Variants in FSTL5 observed in about 807,000 individuals in gnomAD.
The protein encoded by FSTL5 is follistatin like 5, also known as follistatin-related protein 5.
Under a neutral mutation model 89.1 loss-of-function variants are expected in FSTL5, and 62 were observed. The ratio of observed to expected loss-of-function variants is 0.70; its 90% CI spans 0.57 to 0.86. The LOEUF (loss-of-function observed/expected upper bound fraction) is 0.86, where lower values mean the gene tolerates loss of function less well. FSTL5 is among the 40% of genes least tolerant of loss of function. The pLI is 0.00. For synonymous variants in FSTL5, 383 were observed against 346.2 expected, an observed-to-expected ratio of 1.11 and a Z score of -1.18; for missense variants, 1,057 against 1,001.6, an observed-to-expected ratio of 1.06 and a Z score of -0.75.
chr4:161,465,762 G>C (rs1388891057), intron 13 of FSTL5, among the ~76,000 whole-genome samples: 1 of 152,150 alleles, frequency 6.6e-6, no homozygotes, highest in Non-Finnish European at 1.5e-5. Flanking sequence ...TTAAGTGATA[G>C]CTTCCAATTA....
rs144561669 is a variant in FSTL5, at chr4:161,994,535, C to T, written c.160+39090G>A. Among the ~76,000 whole-genome samples, 225 of 152,198 alleles carry T rather than the reference C, an allele frequency of 1.5e-3. 2 individuals carry two copies. Among genetic ancestry groups the T allele is most frequent in the Middle Eastern group, 3.4e-3 (1 of 294 alleles). ...TGTTCCCTTTTCTCCACATCCTTGC[C>T]AGCATCTGTTATTTTTTGACTTTTT... On this transcript the variant is annotated intron_variant, in intron 3 of 15. Coordinates refer to ENST00000306100, the MANE Select transcript of FSTL5 (RefSeq NM_020116.5).
At chr4:161,934,432 G>A (rs1734378012) in intron 3 of FSTL5, among the ~76,000 whole-genome samples, 1 of 151,928 alleles carries the variant, frequency 6.6e-6, no homozygotes, top group Admixed American at 6.6e-5. Context: ...TATAGCAACT[G>A]GCCTTTCAAA....
intron 5 of FSTL5, 138 bp downstream of exon 5, chr4:161,775,740 A>C (rs1056017580): frequency 3.3e-5 from 15 of 455,372 alleles, no homozygotes; most frequent in African/African-American, 3.1e-4. Flanking sequence ...AGTTTGCTAC[A>C]AAAATGTTGT....
intron 4 of FSTL5, among the ~76,000 whole-genome samples, chr4:161,783,694 T>C (rs188338095): frequency 0.087 from 2,061 of 23,722 alleles, 10 homozygotes; most frequent in Non-Finnish European, 0.1. Context: ...TTTCTTTCTT[T>C]CTTTCTTTCT....
At chr4:161,616,516 C>T (rs1734873333) in intron 7 of FSTL5, among the ~76,000 whole-genome samples, 2 of 152,296 alleles carry the variant, frequency 1.3e-5, no homozygotes, top group African/African-American at 2.4e-5. Context: ...TTTTGGGACT[C>T]AGACTGGCTT....
chr4:161,927,374 T>C lies in FSTL5; in HGVS notation c.161-6722A>G, dbSNP rs1364462700. Among the ~76,000 whole-genome samples, 7 of 151,662 alleles carry C rather than the reference T, an allele frequency of 4.6e-5. No individual in the cohort carries two copies. The Admixed American group carries it at 4.6e-4, about 10-fold the overall frequency. ...ATGAGAAAGGCATTTTTTGCAATGA[T>C]TTAAAAAATTAAACAGCATATTAAC... On this transcript the variant is annotated intron_variant, in intron 3 of 15. Transcript: ENST00000306100.
intron 8 of FSTL5, among the ~76,000 whole-genome samples, chr4:161,546,306 A>T (rs1732005418): frequency 1.3e-5 from 2 of 148,540 alleles, no homozygotes; most frequent in African/African-American, 4.9e-5. Flanking sequence ...ATATATATAT[A>T]TACACATATA....
At chr4:161,537,190 C>A (rs1193095658) in intron 10 of FSTL5, among the ~76,000 whole-genome samples, 1 of 152,084 alleles carries the variant, frequency 6.6e-6, no homozygotes, top group Non-Finnish European at 1.5e-5. Flanking sequence ...AATAGGAAGA[C>A]CCCTGGCTGG....
chr4:161,625,757 C>A (rs918751121), intron 7 of FSTL5, among the ~76,000 whole-genome samples: 1 of 151,998 alleles, frequency 6.6e-6, no homozygotes, highest in Non-Finnish European at 1.5e-5. Context: ...TGCCCAACAT[C>A]CAAGTTTTAA....
At chr4:161,770,039 G>A (rs1741154413) in intron 5 of FSTL5, among the ~76,000 whole-genome samples, 1 of 151,914 alleles carries the variant, frequency 6.6e-6, no homozygotes, top group Admixed American at 6.6e-5. Flanking sequence ...CCATAAAAAA[G>A]AATGAAATCC....
At chr4:161,902,856 TAAC>T (rs1733411033) in intron 4 of FSTL5, among the ~76,000 whole-genome samples, 1 of 151,982 alleles carries the variant, frequency 6.6e-6, no homozygotes, top group Non-Finnish European at 1.5e-5. Context: ...CTCAAAATAA[TAAC>T]AATAATAATA....
At chr4:161,678,604 A>T (rs957408794) in intron 6 of FSTL5, among the ~76,000 whole-genome samples, 3 of 151,908 alleles carry the variant, frequency 2.0e-5, no homozygotes, top group Non-Finnish European at 4.4e-5. Flanking sequence ...ACAGCTGCAG[A>T]TATATTTTCA....
chr4:161,724,461 C>G (rs1169619039), intron 6 of FSTL5, among the ~76,000 whole-genome samples: 2 of 151,908 alleles, frequency 1.3e-5, no homozygotes, highest in African/African-American at 2.4e-5. Flanking sequence ...TGTATATATA[C>G]AAAATAGTTG....
In FSTL5 at chr4:161,760,117, A is replaced by AGATAG. The variant is rs1169340054; in HGVS notation, c.607-591_607-587dup. ...AAGCAAATGACTGTTTCCAGGAGCT[A>AGATAG]GATAGAATTAATGCACCGATTGATG... is the stretch of plus-strand genomic sequence containing the variant. On this transcript the variant is annotated intron_variant, in intron 5 of 15. Transcript: ENST00000306100. 5.3e-5 allele frequency among the ~76,000 whole-genome samples: 8 copies of AGATAG among 152,316 alleles called. No individual in the cohort carries two copies. In the East Asian group the frequency reaches 1.5e-3, roughly 29 times the overall value.
intron 13 of FSTL5, among the ~76,000 whole-genome samples, chr4:161,461,819 T>G (rs1303942988): frequency 6.6e-6 from 1 of 152,192 alleles, no homozygotes; most frequent in Non-Finnish European, 1.5e-5. Context: ...TATGTTAAAC[T>G]TAATCTATGT....
intron 6 of FSTL5, among the ~76,000 whole-genome samples, chr4:161,738,296 A>C (rs183250373): frequency 6.4e-4 from 97 of 152,190 alleles, no homozygotes; most frequent in African/African-American, 2.0e-3. Context: ...TAATCCTAAC[A>C]ATACACCATC....
rs1267440430 is a variant in FSTL5 at position 162,121,404 on chromosome 4, A to G, written c.-16-9992T>C. ...AAAACAAGTCCCTGGACTGCATTGT[A>G]ATATATTCATGATTCAATAGTGAAA... On this transcript the variant is annotated intron_variant, in intron 1 of 15. Transcript: ENST00000306100. 2.0e-5 allele frequency among the ~76,000 whole-genome samples: 3 copies of G among 152,132 alleles called. No homozygotes were observed. The East Asian group carries it at 5.8e-4, about 29-fold the overall frequency.
intron 8 of FSTL5, among the ~76,000 whole-genome samples, chr4:161,575,442 T>C (rs35531738): frequency 6.6e-6 from 1 of 151,954 alleles, no homozygotes; most frequent in Non-Finnish European, 1.5e-5. Flanking sequence ...AATGGTATTG[T>C]CCAGGTTTTC....
chr4:161,691,515 T>C (rs1455435072), intron 6 of FSTL5, among the ~76,000 whole-genome samples: 2 of 152,168 alleles, frequency 1.3e-5, no homozygotes, highest in African/African-American at 2.4e-5. Flanking sequence ...ATTGGTGGCA[T>C]GTTGACATTC....
Sources: allele counts gnomAD v4.1 joint callset (sites outside exome capture counted in the v4.1 genomes callset), GRCh38; gene constraint gnomAD v4.1.1; transcripts MANE v1.5; gene names NCBI Gene and HGNC (gene_info 2026-07-23, HGNC 2026-07-21).